ZNF514: variants seen among roughly 807,000 people sequenced by gnomAD.
ZNF514 encodes the protein zinc finger protein 514.
ZNF514 carries 12 observed loss-of-function variants against 9.7 expected under a neutral mutation model. The ratio of observed to expected loss-of-function variants is 1.24; its 90% CI spans 0.79 to 2.01. ZNF514 has a LOEUF of 2.01. ZNF514 is among the 30% of genes most tolerant of loss of function. The probability of loss-of-function intolerance (pLI) is 0.00; values close to 1 mark genes in which losing one functional copy is unlikely to be tolerated. For missense variants in ZNF514, 467 were observed against 465.5 expected, an observed-to-expected ratio of 1.00 and a Z score of -0.03; for synonymous variants, 158 against 163.7, an observed-to-expected ratio of 0.97 and a Z score of 0.27.
downstream of ZNF514, among the ~76,000 whole-genome samples, chr2:95,140,513 T>TG (rs1358644218): frequency 6.6e-6 from 1 of 151,770 alleles, no homozygotes; most frequent in African/African-American, 2.4e-5. Context: ...CCAGGGAGGC[T>TG]GAGGCAGGAG....
At chr2:95,137,135 A>G in the ZNF514 span, among the ~76,000 whole-genome samples, 4 of 152,212 alleles carry the variant, frequency 2.6e-5, no homozygotes, top group African/African-American at 9.6e-5. Flanking sequence ...TGATAATACG[A>G]AAAAGATAAT....
At chr2:95,152,462 T>C (rs1434290646) in intron 4 of ZNF514, among the ~76,000 whole-genome samples, 1 of 152,154 alleles carries the variant, frequency 6.6e-6, no homozygotes, top group Non-Finnish European at 1.5e-5. Context: ...TGGGCAGAGA[T>C]GGGAACCAAA....
the ZNF514 span, among the ~76,000 whole-genome samples, chr2:95,123,325 T>C: frequency 4.6e-5 from 7 of 152,240 alleles, no homozygotes; most frequent in Non-Finnish European, 1.0e-4. Context: ...TTCCTAATTA[T>C]GTTCCTCTCA....
Position 95,159,668 on chromosome 2 carries a change from CCA to C in ZNF514, c.-526_-525del, listed in dbSNP as rs1456879155. 81 of 54,064 alleles carry C rather than the reference CCA, an allele frequency of 1.5e-3. No homozygotes were observed. Among genetic ancestry groups the C allele is most frequent in the African/African-American group, 6.5e-3 (74 of 11,464 alleles). The allele number at this position is 54,064 out of a possible 1,614,324, so 3.3% of individuals were successfully genotyped here. On this transcript the variant is annotated 5_prime_UTR_variant, in exon 1 of 5. Coordinates refer to ENST00000295208, the MANE Select transcript of ZNF514 (RefSeq NM_032788.3). Reference sequence around the variant, plus strand: ...GCCACCCCGCGCCAGCCCCCGCCCGCCACCCCGCGCCAGCCCCCGCGTCCGCC... The same window carrying C: ...GCCACCCCGCGCCAGCCCCCGCCCGCCCCCGCGCCAGCCCCCGCGTCCGCC...
In ZNF514 at chr2:95,145,855, A is replaced by T. The variant is rs1249920199; in HGVS notation, c.*3427T>A. Among the ~76,000 whole-genome samples the T allele has an allele frequency of 6.6e-6, 1 of 152,124 alleles. No individual in the cohort carries two copies. Among genetic ancestry groups the T allele is most frequent in the Non-Finnish European group, 1.5e-5 (1 of 68,020 alleles). On this transcript the variant is annotated 3_prime_UTR_variant, in exon 5 of 5. Transcript: ENST00000295208. Reference sequence around the variant, plus strand: ...TGAACCCAGTGTCCTGCCCTCCAAAAATCCTTTGCACTTCCTACAAGATAA... The same window carrying T: ...TGAACCCAGTGTCCTGCCCTCCAAATATCCTTTGCACTTCCTACAAGATAA...
intron 4 of ZNF514, among the ~76,000 whole-genome samples, chr2:95,151,463 T>A (rs1231191533): frequency 1.3e-5 from 2 of 152,096 alleles, no homozygotes; most frequent in Non-Finnish European, 2.9e-5. Flanking sequence ...AGAAAAAAGG[T>A]GCCCAGCCAC....
At chr2:95,158,081 A>G (rs1240378092) in intron 1 of ZNF514, among the ~76,000 whole-genome samples, 1 of 152,240 alleles carries the variant, frequency 6.6e-6, no homozygotes, top group Non-Finnish European at 1.5e-5. Context: ...AAGGCTAACA[A>G]CATGGGTGTA....
At chr2:95,128,134 T>G in the ZNF514 span, among the ~76,000 whole-genome samples, 1 of 152,116 alleles carries the variant, frequency 6.6e-6, no homozygotes, top group African/African-American at 2.4e-5. Flanking sequence ...GGCTCACGCC[T>G]GTAATCCCAG....
At chr2:95,135,108 A>AG in the ZNF514 span, among the ~76,000 whole-genome samples, 1 of 152,196 alleles carries the variant, frequency 6.6e-6, no homozygotes, top group Non-Finnish European at 1.5e-5. Context: ...GCTAGAATCA[A>AG]CTTTTCAATT....
downstream of ZNF514, among the ~76,000 whole-genome samples, chr2:95,141,519 A>G (rs563349123): frequency 2.0e-5 from 3 of 152,260 alleles, no homozygotes; most frequent in Non-Finnish European, 4.4e-5. Context: ...ATGCTGTATG[A>G]AGGCATGGAA....
the ZNF514 span, among the ~76,000 whole-genome samples, chr2:95,128,983 G>A: frequency 6.6e-5 from 10 of 152,152 alleles, no homozygotes; most frequent in Admixed American, 3.9e-4. Context: ...CCTTTGGATC[G>A]CTTCTTCTGT....
At chr2:95,131,717 T>C in the ZNF514 span, among the ~76,000 whole-genome samples, 3 of 152,276 alleles carry the variant, frequency 2.0e-5, no homozygotes, top group South Asian at 4.1e-4. Context: ...TTTCAACAAA[T>C]GGTGCAGGAA....
intron 2 of ZNF514, chr2:95,153,997 T>TA (rs1673615892): frequency 6.6e-6 from 1 of 152,160 alleles, no homozygotes; most frequent in Admixed American, 6.5e-5. Context: ...TTTTATAATA[T>TA]AAAATCATCC....
intron 2 of ZNF514, 39 bp downstream of exon 2, chr2:95,157,312 C>T (rs1378827803): frequency 1.6e-6 from 2 of 1,236,688 alleles, no homozygotes; most frequent in Non-Finnish European, 2.1e-6. Flanking sequence ...AGCTAACCAT[C>T]GTTCAGGCAT....
rs1399912551 is a variant in ZNF514, at chr2:95,146,035, C to G, written c.*3247G>C. On this transcript the variant is annotated 3_prime_UTR_variant, in exon 5 of 5. Coordinates refer to ENST00000295208, the MANE Select transcript of ZNF514 (RefSeq NM_032788.3). ...CTTAAATCTATTTTGGCGTAAAACACTTTGATTTCTCTCAGGACTTACTGT... is the reference window on the plus strand; with the variant it reads ...CTTAAATCTATTTTGGCGTAAAACAGTTTGATTTCTCTCAGGACTTACTGT... Among the ~76,000 whole-genome samples the G allele has an allele frequency of 3.3e-5, 5 of 152,206 alleles. No homozygotes were observed. Among genetic ancestry groups the G allele is most frequent in the Non-Finnish European group, 7.3e-5 (5 of 68,034 alleles).
At chr2:95,141,723 A>G (rs565227457), downstream of ZNF514, among the ~76,000 whole-genome samples, 1 of 152,356 alleles carries the variant, frequency 6.6e-6, no homozygotes. Flanking sequence ...TTAGCAAAAA[A>G]TACAGCAGTG....
Position 95,152,673 on chromosome 2 carries a change from C to A in ZNF514, c.217+1G>T. 1 of 1,613,674 alleles carries A rather than the reference C, an allele frequency of 6.2e-7. No individual in the cohort carries two copies. The highest frequency in any genetic ancestry group is 8.5e-7 in the Non-Finnish European group (1 of 1,179,584). On this transcript the variant is annotated splice_donor_variant, in intron 4 of 4. Transcript: ENST00000295208. LOFTEE classifies it high-confidence loss of function. ...TGCAATGCTTTCACTCACTCACTCA[C>A]CTGAGTGGGCTCCTGTTGAGATTTC...
rs1332446815 is a variant in ZNF514, at chr2:95,157,364, T to C, written c.-20A>G. On this transcript the variant is annotated 5_prime_UTR_variant, in exon 2 of 5. Coordinates refer to ENST00000295208, the MANE Select transcript of ZNF514 (RefSeq NM_032788.3). ...AATACAACTCACCCGAGGCCTGGCT[T>C]TCAGGAATGAATTGGTTGTTCCCTC... 1 of 1,289,724 alleles carries C rather than the reference T, an allele frequency of 7.8e-7. No homozygotes were observed. The highest frequency in any genetic ancestry group is 2.3e-5 in the Admixed American group (1 of 43,570). The allele number at this position is 1,289,724 out of a possible 1,614,324, so 79.9% of individuals were successfully genotyped here.
chr2:95,152,774 T>G lies in ZNF514; in HGVS notation c.122-5A>C. 6.2e-7 allele frequency: 1 copy of G among 1,613,598 alleles called. No individual in the cohort carries two copies. Among genetic ancestry groups the G allele is most frequent in the Non-Finnish European group, 8.5e-7 (1 of 1,179,564 alleles). Reference sequence around the variant, plus strand: ...ATGGTTTGGATACTAGAAGGCCTGATGGTAGAGAAGGAAAAGGATTTTGGT... The same window carrying G: ...ATGGTTTGGATACTAGAAGGCCTGAGGGTAGAGAAGGAAAAGGATTTTGGT... On this transcript the variant is annotated splice_polypyrimidine_tract_variant and splice_region_variant and intron_variant, in intron 3 of 4. Coordinates refer to ENST00000295208, the MANE Select transcript of ZNF514 (RefSeq NM_032788.3).
Sources: allele counts gnomAD v4.1 joint callset (sites outside exome capture counted in the v4.1 genomes callset), GRCh38; gene constraint gnomAD v4.1.1; transcripts MANE v1.5; gene names NCBI Gene and HGNC (gene_info 2026-07-23, HGNC 2026-07-21).